DNMT3B: variants seen among roughly 807,000 people sequenced by gnomAD.
The protein encoded by DNMT3B is DNA methyltransferase 3 beta.
DNMT3B carries 37 observed loss-of-function variants against 120.2 expected under a neutral mutation model. The ratio of observed to expected loss-of-function variants is 0.31; its 90% CI spans 0.24 to 0.40. The LOEUF (loss-of-function observed/expected upper bound fraction) is 0.40, where lower values mean the gene tolerates loss of function less well. DNMT3B is among the 10% of genes least tolerant of loss of function. The pLI, the probability that DNMT3B is intolerant of heterozygous loss-of-function variation, is 1.00. For synonymous variants in DNMT3B, 412 were observed against 442.8 expected (o/e 0.93, Z 0.87); for missense variants, 878 against 1,137.3 (o/e 0.77, Z 3.28).
chr20:32,809,067 C>T lies in DNMT3B; in HGVS notation c.*1164C>T. On this transcript the variant is annotated 3_prime_UTR_variant, in exon 23 of 23. Transcript: ENST00000328111. ...TCAGACAAGCTGCATTTCAGAAATG[C>T]TGTCATAATGGTTTTTAACACCTTT... The T allele has an allele frequency of 4.6e-6, 1 of 216,944 alleles. No individual in the cohort carries two copies. 13.4% of individuals were successfully genotyped at this position (216,944 alleles called of 1,614,324 possible).
intron 5 of DNMT3B, among the ~76,000 whole-genome samples, chr20:32,786,962 G>C (rs1047670385): frequency 1.3e-5 from 2 of 152,098 alleles, no homozygotes; most frequent in South Asian, 4.1e-4. Context: ...AACCCTAGCG[G>C]GTATGGCAAC....
chr20:32,788,099 TG>T (rs1979543468), intron 6 of DNMT3B, among the ~76,000 whole-genome samples: 1 of 152,158 alleles, frequency 6.6e-6, no homozygotes, highest in South Asian at 2.1e-4. Flanking sequence ...TCACTTCTTT[TG>T]TGATTCTTCA....
intron 1 of DNMT3B, among the ~76,000 whole-genome samples, chr20:32,774,072 G>A (rs1034333861): frequency 2.0e-5 from 3 of 149,888 alleles, no homozygotes; most frequent in South Asian, 2.1e-4. Flanking sequence ...TGCTGCCGCC[G>A]CCAGTGTGGA....
At chr20:32,798,783 A>C in intron 15 of DNMT3B, 140 bp downstream of exon 15, 2 of 1,243,892 alleles carry the variant, frequency 1.6e-6, no homozygotes, top group East Asian at 5.0e-5. Context: ...AGACCTGGCG[A>C]ATTGCCAGCT....
intron 1 of DNMT3B, among the ~76,000 whole-genome samples, chr20:32,770,011 C>T (rs1601048132): frequency 6.6e-6 from 1 of 152,198 alleles, no homozygotes; most frequent in East Asian, 1.9e-4. Flanking sequence ...TCACAGCTCA[C>T]TGTAGCCTCA....
chr20:32,796,596 C>G (rs753291430), intron 12 of DNMT3B, among the ~76,000 whole-genome samples, 194 bp from the exon 13 acceptor site: 2 of 152,138 alleles, frequency 1.3e-5, no homozygotes, highest in African/African-American at 4.8e-5. Flanking sequence ...CTTGATGTTC[C>G]CCATCTGTGA....
At chr20:32,802,602 T>A in intron 20 of DNMT3B, 132 bp downstream of exon 20, 2 of 929,568 alleles carry the variant, frequency 2.2e-6, no homozygotes, top group Non-Finnish European at 3.5e-6. Flanking sequence ...AGACCACCTG[T>A]GGTCGTGCGG....
chr20:32,786,645 C>G lies in DNMT3B; in HGVS notation c.432+18C>G, dbSNP rs1204638739. 2 of 1,613,622 alleles carry G rather than the reference C, an allele frequency of 1.2e-6. No homozygotes were observed. Among genetic ancestry groups the G allele is most frequent in the South Asian group, 2.2e-5 (2 of 91,082 alleles). On this transcript the variant is annotated intron_variant, in intron 5 of 22. Transcript: ENST00000328111. ...CTACCAGGGTTGGTTCCCCAGATGC[C>G]CAGACCCCTGCCCGCAGTCTCTAAC...
At chr20:32,786,665 TCTAA>T (rs764262340) in intron 5 of DNMT3B, 38 bp downstream of exon 5, 8 of 1,612,712 alleles carry the variant, frequency 5.0e-6, no homozygotes, top group Non-Finnish European at 6.8e-6. Flanking sequence ...GCCCGCAGTC[TCTAA>T]CTGGGAGATA....
intron 1 of DNMT3B, among the ~76,000 whole-genome samples, chr20:32,774,578 A>G (rs1430514955): frequency 7.4e-6 from 1 of 135,246 alleles, no homozygotes; most frequent in African/African-American, 2.8e-5. Context: ...TTTATTACTT[A>G]CTGGTGGGGA....
intron 3 of DNMT3B, among the ~76,000 whole-genome samples, chr20:32,781,957 C>T (rs560931280): frequency 5.1e-4 from 77 of 152,226 alleles, no homozygotes; most frequent in African/African-American, 1.7e-3. Context: ...GGAGTGATGA[C>T]GCTGGCAATT....
At chr20:32,783,883 GC>G (rs1425842240) in intron 3 of DNMT3B, among the ~76,000 whole-genome samples, 5 of 150,220 alleles carry the variant, frequency 3.3e-5, no homozygotes, top group Non-Finnish European at 7.4e-5. Context: ...GCACCACCAT[GC>G]CCAGCTAACT....
chr20:32,763,411 G>C (rs1987097728), intron 1 of DNMT3B, among the ~76,000 whole-genome samples: 1 of 152,218 alleles, frequency 6.6e-6, no homozygotes. Context: ...ACCTGGCCCG[G>C]GAGGAGCCGG....
At chr20:32,803,554 A>G (rs4911261) in intron 20 of DNMT3B, among the ~76,000 whole-genome samples, 92,758 of 152,146 alleles carry the variant, frequency 0.61, 31,605 homozygotes, top group East Asian at 0.99. Flanking sequence ...TGCCATTTTC[A>G]TGGTTAAACA....
In DNMT3B at chr20:32,800,820, GTC is replaced by G; in HGVS notation, c.1906-7_1906-6del. The stretch of plus-strand genomic sequence containing the variant: ...CTGTCCACACCCTCATCCTGACTCT[GTC>G]TCTCTCTTTCAGATTGAAGAATGGG... On this transcript the variant is annotated splice_polypyrimidine_tract_variant and intron_variant, in intron 17 of 22. Coordinates refer to ENST00000328111, the MANE Select transcript of DNMT3B (RefSeq NM_006892.4). 1 of 1,612,984 alleles carries G rather than the reference GTC, an allele frequency of 6.2e-7. No individual in the cohort carries two copies. The highest frequency in any genetic ancestry group is 8.5e-7 in the Non-Finnish European group (1 of 1,179,028).
intron 7 of DNMT3B, among the ~76,000 whole-genome samples, chr20:32,790,239 C>A (rs1979817038): frequency 6.6e-6 from 1 of 152,188 alleles, no homozygotes; most frequent in Non-Finnish European, 1.5e-5. Flanking sequence ...AGGACAAGTC[C>A]TGGGCCCATG....
At chr20:32,804,916 G>A (rs1981798565) in intron 20 of DNMT3B, among the ~76,000 whole-genome samples, 1 of 151,912 alleles carries the variant, frequency 6.6e-6, no homozygotes, top group South Asian at 2.1e-4. Context: ...CCAAACCGTG[G>A]GTGTGATATG....
intron 1 of DNMT3B, among the ~76,000 whole-genome samples, chr20:32,764,528 C>A (rs1424541476): frequency 3.3e-5 from 5 of 152,190 alleles, no homozygotes; most frequent in African/African-American, 1.2e-4. Context: ...GCTCTGAAAG[C>A]TTTTCTCAAT....
chr20:32,801,553 A>G, intron 19 of DNMT3B, 127 bp downstream of exon 19: 2 of 1,256,486 alleles, frequency 1.6e-6, no homozygotes, highest in Non-Finnish European at 2.3e-6. Context: ...GCTAGATCCA[A>G]TAGTGAGGGA....
Sources: gnomAD v4.1 joint callset for allele counts (sites outside exome capture counted in the v4.1 genomes callset) on GRCh38, gnomAD v4.1.1 for gene constraint, MANE v1.5 for transcripts, NCBI Gene and HGNC (gene_info 2026-07-23, HGNC 2026-07-21) for gene names.